The following PHKB variants were observed in gnomAD, a reference collection of about 807,000 sequenced individuals.
PHKB encodes phosphorylase b kinase regulatory subunit beta.
Under a neutral mutation model 152.1 loss-of-function variants are expected in PHKB, and 122 were observed. That is an observed-to-expected ratio of 0.80 (90% CI 0.69 to 0.93). PHKB has a LOEUF of 0.93. Among genes scored for constraint, PHKB ranks in the 40% least tolerant of loss-of-function variants. PHKB has a pLI of 0.00. For missense variants in PHKB, 1,304 were observed against 1,328.4 expected (o/e 0.98, Z 0.29); for synonymous variants, 436 against 464.9 (o/e 0.94, Z 0.80).
intron 1 of PHKB, among the ~76,000 whole-genome samples, chr16:47,465,538 C>T (rs1022085140): frequency 6.6e-6 from 1 of 152,044 alleles, no homozygotes; most frequent in Admixed American, 6.5e-5. Flanking sequence ...TGTTATAATC[C>T]GTTTTGAAGA....
chr16:47,636,513 C>G (rs1009109018), intron 14 of PHKB, among the ~76,000 whole-genome samples: 1 of 152,212 alleles, frequency 6.6e-6, no homozygotes, highest in Non-Finnish European at 1.5e-5. Flanking sequence ...CCCCCGGTCC[C>G]CACAGGTTCA....
At chr16:47,580,461 A>G in intron 8 of PHKB, 103 bp downstream of exon 8, 4 of 844,056 alleles carry the variant, frequency 4.7e-6, no homozygotes, top group Non-Finnish European at 8.1e-6. Flanking sequence ...GAGAATGTCC[A>G]AAATTTATGT....
At chr16:47,602,077 A>T (rs1329102717) in intron 13 of PHKB, among the ~76,000 whole-genome samples, 1 of 152,082 alleles carries the variant, frequency 6.6e-6, no homozygotes, top group African/African-American at 2.4e-5. Context: ...TTTTTTTAAG[A>T]GACAAGAGAG....
intron 6 of PHKB, among the ~76,000 whole-genome samples, chr16:47,534,391 T>C (rs1483605299): frequency 6.6e-6 from 1 of 152,206 alleles, no homozygotes; most frequent in Non-Finnish European, 1.5e-5. Context: ...GAAATAATAT[T>C]TCTATATGTA....
At chr16:47,516,618 A>G (rs1361809429) in intron 6 of PHKB, among the ~76,000 whole-genome samples, 4 of 152,130 alleles carry the variant, frequency 2.6e-5, no homozygotes, top group African/African-American at 7.2e-5. Context: ...TACATCAGAC[A>G]CTCAACACCA....
chr16:47,635,343 C>T (rs1972900319), intron 14 of PHKB, among the ~76,000 whole-genome samples: 1 of 152,082 alleles, frequency 6.6e-6, no homozygotes, highest in South Asian at 2.1e-4. Context: ...TAGTAACCTA[C>T]CTAATAGGGG....
intron 7 of PHKB, chr16:47,566,356 C>G (rs996177681): frequency 3.7e-5 from 53 of 1,431,924 alleles, no homozygotes; most frequent in Non-Finnish European, 5.0e-5. Context: ...GAAGAATGAT[C>G]ATTCCTGTCT....
intron 14 of PHKB, among the ~76,000 whole-genome samples, chr16:47,617,699 C>G (rs900985857): frequency 3.9e-5 from 6 of 152,122 alleles, no homozygotes; most frequent in Admixed American, 1.3e-4. Context: ...GATAAGTGGG[C>G]TGATTATTCT....
chr16:47,588,217 G>T (rs1971967001), intron 9 of PHKB, among the ~76,000 whole-genome samples: 1 of 150,156 alleles, frequency 6.7e-6, no homozygotes, highest in Admixed American at 6.6e-5. Context: ...GGGACTATTT[G>T]TGGTTCTGTT....
At chr16:47,529,795 A>C (rs949363094) in intron 6 of PHKB, 1 of 152,208 alleles carries the variant, frequency 6.6e-6, no homozygotes, top group African/African-American at 2.4e-5. Flanking sequence ...AGAAAGGAAG[A>C]GAGACCAGAT....
At chr16:47,656,731 T>G (rs1973346074) in intron 20 of PHKB, among the ~76,000 whole-genome samples, 1 of 152,110 alleles carries the variant, frequency 6.6e-6, no homozygotes, top group Admixed American at 6.5e-5. Flanking sequence ...ATATAATAAA[T>G]GAAAATGGCA....
At chr16:47,527,755 G>GA (rs1970792572) in intron 6 of PHKB, among the ~76,000 whole-genome samples, 1 of 152,146 alleles carries the variant, frequency 6.6e-6, no homozygotes, top group African/African-American at 2.4e-5. Flanking sequence ...TGAGGCCCTT[G>GA]GGTGAAACCT....
intron 1 of PHKB, among the ~76,000 whole-genome samples, chr16:47,476,034 A>T (rs1237766508): frequency 1.3e-5 from 2 of 150,134 alleles, no homozygotes; most frequent in East Asian, 3.9e-4. Flanking sequence ...TGCCCAGCTA[A>T]TTTTTTTTTT....
At chr16:47,571,903 G>T (rs1459279174) in intron 7 of PHKB, among the ~76,000 whole-genome samples, 1 of 152,128 alleles carries the variant, frequency 6.6e-6, no homozygotes. Flanking sequence ...TTCCCTTTGT[G>T]TGGTGCACTC....
chr16:47,504,625 C>T (rs531116702), intron 4 of PHKB, among the ~76,000 whole-genome samples: 1 of 152,344 alleles, frequency 6.6e-6, no homozygotes, highest in East Asian at 1.9e-4. Flanking sequence ...CAGTCTGCTT[C>T]CAACTGTGTG....
intron 7 of PHKB, chr16:47,566,706 C>T (rs1421013965): frequency 5.1e-6 from 4 of 782,922 alleles, no homozygotes; most frequent in Admixed American, 1.7e-5. Flanking sequence ...TGGAGGTGCC[C>T]TATACACATC....
chr16:47,684,769 C>T lies in PHKB; in HGVS notation c.2631-4272C>T, dbSNP rs899031014. ...CAGCCTGGGCGACTGAGCAAGACTC[C>T]GTCTCAAAAAAAAAAAAAAGAGTGT... On this transcript the variant is annotated intron_variant, in intron 26 of 30. Coordinates refer to ENST00000323584, the MANE Select transcript of PHKB (RefSeq NM_000293.3). Among the ~76,000 whole-genome samples, 8 of 150,212 alleles carry T rather than the reference C, an allele frequency of 5.3e-5. No homozygotes were observed. In the East Asian group the frequency reaches 5.8e-4, roughly 11 times the overall value.
chr16:47,580,219 A>T, intron 7 of PHKB, 76 bp from the exon 8 acceptor site: 1 of 1,084,458 alleles, frequency 9.2e-7, no homozygotes, highest in South Asian at 1.3e-5. Context: ...TTTGCTCGTG[A>T]ATATTCATCA....
chr16:47,593,613 A>C, intron 11 of PHKB, 56 bp downstream of exon 11: 2 of 1,036,914 alleles, frequency 1.9e-6, no homozygotes, highest in Non-Finnish European at 3.0e-6. Flanking sequence ...TTTAAGCTGT[A>C]GGATTTAAGT....
Sources: gnomAD v4.1 joint callset for allele counts (sites outside exome capture counted in the v4.1 genomes callset) on GRCh38, gnomAD v4.1.1 for gene constraint, MANE v1.5 for transcripts, NCBI Gene and HGNC (gene_info 2026-07-23, HGNC 2026-07-21) for gene names.